Variants in EXT1 observed in about 807,000 individuals in gnomAD.
EXT1 encodes exostosin-1.
In EXT1, 20 loss-of-function variants were observed where a neutral mutation model predicts 82.5. The observed-to-expected ratio is 0.24, with a 90% CI of 0.17 to 0.35. The LOEUF is 0.35. Among genes scored for constraint, EXT1 ranks in the 10% least tolerant of loss-of-function variants. The pLI is 1.00. For missense variants in EXT1, 757 were observed against 936.5 expected (o/e 0.81, Z 2.50); for synonymous variants, 348 against 350.8 (o/e 0.99, Z 0.09).
At chr8:117,930,679 G>A (rs1022154219) in intron 1 of EXT1, among the ~76,000 whole-genome samples, 5 of 152,164 alleles carry the variant, frequency 3.3e-5, no homozygotes, top group African/African-American at 1.2e-4. Flanking sequence ...TGTCAGAGGT[G>A]TTTGAACCAC....
chr8:118,110,014 A>G, intron 1 of EXT1, 71 bp downstream of exon 1: 1 of 1,610,924 alleles, frequency 6.2e-7, no homozygotes, highest in Non-Finnish European at 8.5e-7. Context: ...CCATCCCCCA[A>G]CTTCACACCT....
Position 118,024,740 on chromosome 8 carries a change from G to A in EXT1, c.962+85345C>T, listed in dbSNP as rs558212079. On this transcript the variant is annotated intron_variant, in intron 1 of 10. Coordinates refer to ENST00000378204, the MANE Select transcript of EXT1 (RefSeq NM_000127.3). ...GTTTGAGGAATTAACAGAAGAACAGGAAGTGGGCCTAGAGGTCTGAGAAAG... is the reference window on the plus strand; with the variant it reads ...GTTTGAGGAATTAACAGAAGAACAGAAAGTGGGCCTAGAGGTCTGAGAAAG... Among the ~76,000 whole-genome samples, 174 of 152,286 alleles carry A rather than the reference G, an allele frequency of 1.1e-3. 2 individuals carry two copies. The highest frequency in any genetic ancestry group is 5.1e-4 in the Non-Finnish European group (35 of 68,008).
At chr8:118,086,079 T>C (rs1259304903) in intron 1 of EXT1, among the ~76,000 whole-genome samples, 1 of 152,160 alleles carries the variant, frequency 6.6e-6, no homozygotes, top group Non-Finnish European at 1.5e-5. Flanking sequence ...AATTTTCTGG[T>C]ACCCAATCCT....
rs1194760693 is a variant in EXT1, at chr8:117,818,500, G to A, written c.1567C>T (p.Leu523=). ...GCAGGCCAGCGGTGTTTGGCTGGTA[G>A]GGGCTTGTCACAATTCCATAGAACT... ...IIVLWNCDKP[L]PAKHRWPATA... The change falls in exon 7 of 11, where the codon CTA becomes TTA. Residue 523 remains leucine (L), a synonymous_variant. Coordinates refer to ENST00000378204, the MANE Select transcript of EXT1 (RefSeq NM_000127.3). The A allele has an allele frequency of 6.2e-7, 1 of 1,614,144 alleles. No homozygotes were observed. Among genetic ancestry groups the A allele is most frequent in the Non-Finnish European group, 8.5e-7 (1 of 1,179,986 alleles).
Position 117,860,088 on chromosome 8 carries a change from A to C in EXT1, c.963-22887T>G, listed in dbSNP as rs191688452. ...CTTGGACCTGGGAGGCGGAGGTTGC[A>C]GTGAGCTGAGATCACGCTACTGCCC... On this transcript the variant is annotated intron_variant, in intron 1 of 10. Coordinates refer to ENST00000378204, the MANE Select transcript of EXT1 (RefSeq NM_000127.3). 1.0e-4 allele frequency among the ~76,000 whole-genome samples: 14 copies of C among 140,678 alleles called. No individual in the cohort carries two copies. The East Asian group carries it at 3.1e-3, about 31-fold the overall frequency. The allele number at this position is 140,678 out of a possible 152,430, so 92.3% of individuals were successfully genotyped here. A position where few individuals can be genotyped will look rare whatever the true frequency, so the allele number is the denominator to read the frequency against.
At chr8:118,100,268 C>G (rs1817694430) in intron 1 of EXT1, among the ~76,000 whole-genome samples, 1 of 152,142 alleles carries the variant, frequency 6.6e-6, no homozygotes, top group Admixed American at 6.5e-5. Context: ...CTTACGAGAG[C>G]AGTTTCAGTT....
chr8:117,997,296 A>G (rs1247424105), intron 1 of EXT1, among the ~76,000 whole-genome samples: 1 of 143,162 alleles, frequency 7.0e-6, no homozygotes, highest in African/African-American at 2.6e-5. Context: ...TATATATAAT[A>G]TACTTTATAT....
At chr8:117,982,106 T>C (rs1190396792) in intron 1 of EXT1, among the ~76,000 whole-genome samples, 2 of 152,166 alleles carry the variant, frequency 1.3e-5, no homozygotes, top group Non-Finnish European at 2.9e-5. Flanking sequence ...GTTCTGTAGG[T>C]CACAAGTCTG....
chr8:118,033,784 T>C (rs1816374506), intron 1 of EXT1, among the ~76,000 whole-genome samples: 1 of 152,194 alleles, frequency 6.6e-6, no homozygotes, highest in Non-Finnish European at 1.5e-5. Flanking sequence ...CCAGCAACAG[T>C]TTCTCATTTA....
At chr8:118,104,457 A>G (rs1264260914) in intron 1 of EXT1, among the ~76,000 whole-genome samples, 2 of 152,162 alleles carry the variant, frequency 1.3e-5, no homozygotes, top group African/African-American at 4.8e-5. Flanking sequence ...TCACATTATG[A>G]CCTCGAGAGA....
At chr8:118,056,219 C>G (rs570971614) in intron 1 of EXT1, among the ~76,000 whole-genome samples, 2 of 152,216 alleles carry the variant, frequency 1.3e-5, no homozygotes, top group Non-Finnish European at 2.9e-5. Context: ...CTTCTCAAAC[C>G]TTTTTGAAAC....
intron 1 of EXT1, among the ~76,000 whole-genome samples, chr8:117,963,176 C>G (rs936356495): frequency 6.6e-6 from 1 of 152,084 alleles, no homozygotes; most frequent in Non-Finnish European, 1.5e-5. Flanking sequence ...TGAAGGTTAC[C>G]AGTGGAGGTC....
intron 1 of EXT1, among the ~76,000 whole-genome samples, chr8:117,947,849 A>C (rs11562704): frequency 0.012 from 1,762 of 152,326 alleles, 30 homozygotes; most frequent in African/African-American, 0.039. Flanking sequence ...ATTAGCCTCA[A>C]GTAATACTGG....
chr8:117,938,630 C>G (rs759007479), intron 1 of EXT1, among the ~76,000 whole-genome samples: 4 of 152,094 alleles, frequency 2.6e-5, no homozygotes, highest in African/African-American at 9.7e-5. Context: ...CTGGACAGCT[C>G]CATAATCTAT....
intron 1 of EXT1, among the ~76,000 whole-genome samples, chr8:117,997,411 TCTACTC>T (rs1815570152): frequency 6.6e-6 from 1 of 151,700 alleles, no homozygotes. Context: ...TATTTAGAGT[TCTACTC>T]CTACCTACTT....
intron 10 of EXT1, 58 bp downstream of exon 10, chr8:117,804,664 T>C (rs1823211445): frequency 9.4e-6 from 15 of 1,601,232 alleles, no homozygotes; most frequent in South Asian, 7.7e-5. Context: ...GAGTCCTCAT[T>C]ACCTGGGGCT....
At position 117,986,187 on chromosome 8, in the gene EXT1, CTT is replaced by C. The variant is rs1160370973; in HGVS notation, c.962+123896_962+123897del. On this transcript the variant is annotated intron_variant, in intron 1 of 10. Coordinates refer to ENST00000378204, the MANE Select transcript of EXT1 (RefSeq NM_000127.3). ...AAGCACCTTGCTTAACTATTCTTTT[CTT>C]TTTTTTTTTTTTTTTTTTGAGACGA... Among the ~76,000 whole-genome samples the C allele has an allele frequency of 9.3e-3, 591 of 63,368 alleles. 2 individuals are homozygous for C. Among genetic ancestry groups the C allele is most frequent in the African/African-American group, 0.043 (565 of 13,088 alleles). The allele number at this position is 63,368 out of a possible 152,430, so 41.6% of individuals were successfully genotyped here.
At chr8:118,034,605 C>T (rs748050687) in intron 1 of EXT1, among the ~76,000 whole-genome samples, 5 of 152,044 alleles carry the variant, frequency 3.3e-5, no homozygotes, top group Non-Finnish European at 7.4e-5. Flanking sequence ...CTCACTTGCA[C>T]ATCTGAAGTC....
At chr8:118,053,329 C>CT (rs1244738149) in intron 1 of EXT1, among the ~76,000 whole-genome samples, 2 of 152,142 alleles carry the variant, frequency 1.3e-5, no homozygotes, top group Admixed American at 1.3e-4. Flanking sequence ...AGTTCCTTTA[C>CT]AGCACACCAC....
Sources: allele counts gnomAD v4.1 joint callset (sites outside exome capture counted in the v4.1 genomes callset), GRCh38; gene constraint gnomAD v4.1.1; transcripts MANE v1.5; gene names NCBI Gene and HGNC (gene_info 2026-07-23, HGNC 2026-07-21).